RABGAP1: variants seen among roughly 807,000 people sequenced by gnomAD.
The protein encoded by RABGAP1 is RAB GTPase activating protein 1.
A neutral mutation model predicts 137.6 loss-of-function variants in RABGAP1; 23 were observed. The ratio of observed to expected loss-of-function variants is 0.17; its 90% confidence interval spans 0.12 to 0.24. The LOEUF (loss-of-function observed/expected upper bound fraction) is 0.24. Among genes scored for constraint, RABGAP1 ranks in the 10% least tolerant of loss-of-function variants. The pLI is 1.00. For missense variants in RABGAP1, 906 were observed against 1,275.8 expected, an observed-to-expected ratio of 0.71 and a Z score of 4.42; for synonymous variants, 451 against 450.7, an observed-to-expected ratio of 1.00 and a Z score of -0.01.
chr9:122,947,361 G>C (rs981219840), intron 1 of RABGAP1, among the ~76,000 whole-genome samples: 1 of 152,072 alleles, frequency 6.6e-6, no homozygotes, highest in East Asian at 1.9e-4. Context: ...AGTGTTAATG[G>C]GCACAGAGTT....
intron 13 of RABGAP1, among the ~76,000 whole-genome samples, chr9:123,036,816 CTTTT>C (rs35388646): frequency 7.0e-6 from 1 of 142,208 alleles, no homozygotes; most frequent in African/African-American, 2.6e-5. Flanking sequence ...TCTTAATGGT[CTTTT>C]TTTTTTTTCC....
At chr9:122,942,745 A>G (rs1242563713) in intron 1 of RABGAP1, among the ~76,000 whole-genome samples, 2 of 151,536 alleles carry the variant, frequency 1.3e-5, no homozygotes, top group Non-Finnish European at 2.9e-5. Context: ...TGTAGAGTTC[A>G]CTTTGTATTA....
intron 13 of RABGAP1, among the ~76,000 whole-genome samples, chr9:123,044,025 C>T (rs564169853): frequency 1.3e-5 from 2 of 151,740 alleles, no homozygotes; most frequent in Admixed American, 6.5e-5. Context: ...CTCAGCCTCC[C>T]GAGTAGCTGG....
chr9:123,091,768 A>G (rs1164586715), intron 21 of RABGAP1, among the ~76,000 whole-genome samples: 1 of 152,124 alleles, frequency 6.6e-6, no homozygotes, highest in Non-Finnish European at 1.5e-5. Context: ...TTAGCCCTCA[A>G]TGACCAGAAC....
At chr9:122,993,927 G>C (rs981053033) in intron 6 of RABGAP1, among the ~76,000 whole-genome samples, 4 of 152,130 alleles carry the variant, frequency 2.6e-5, no homozygotes, top group Non-Finnish European at 5.9e-5. Flanking sequence ...GCCTCCCATA[G>C]TGCTGGGATT....
At chr9:122,958,028 G>A (rs745813635) in intron 2 of RABGAP1, among the ~76,000 whole-genome samples, 1 of 151,922 alleles carries the variant, frequency 6.6e-6, no homozygotes, top group Non-Finnish European at 1.5e-5. Context: ...ATTTATGAAA[G>A]CACTCCCAGG....
chr9:123,027,312 C>T (rs1202303827), intron 13 of RABGAP1, among the ~76,000 whole-genome samples: 1 of 152,092 alleles, frequency 6.6e-6, no homozygotes, highest in African/African-American at 2.4e-5. Context: ...GATGGGGTTT[C>T]ACCATGTTGG....
At chr9:123,077,158 GT>G (rs962119227) in intron 19 of RABGAP1, among the ~76,000 whole-genome samples, 3 of 92,050 alleles carry the variant, frequency 3.3e-5, no homozygotes, top group African/African-American at 1.1e-4. Flanking sequence ...CTGGTTTTTT[GT>G]TTTTGTTTTT....
At chr9:123,057,898 C>A (rs1207545557) in intron 13 of RABGAP1, among the ~76,000 whole-genome samples, 2 of 152,202 alleles carry the variant, frequency 1.3e-5, no homozygotes, top group Non-Finnish European at 2.9e-5. Context: ...CAAAAAAATA[C>A]GAAAACCAGT....
intron 13 of RABGAP1, among the ~76,000 whole-genome samples, chr9:123,063,493 CAA>C (rs142680531): frequency 0.01 from 1,540 of 152,318 alleles, 5 homozygotes; most frequent in Non-Finnish European, 0.015. Flanking sequence ...AAACTGTTTA[CAA>C]AGTGTTTGTA....
At chr9:122,989,859 ATTTCTT>A in intron 5 of RABGAP1, 191 bp from the exon 6 acceptor site, 1 of 569,240 alleles carries the variant, frequency 1.8e-6, no homozygotes, top group Admixed American at 3.6e-5. Flanking sequence ...GCTTACAACC[ATTTCTT>A]TTTTAAAACC....
At chr9:122,975,305 G>T (rs1334025668) in intron 2 of RABGAP1, among the ~76,000 whole-genome samples, 1 of 152,062 alleles carries the variant, frequency 6.6e-6, no homozygotes, top group Non-Finnish European at 1.5e-5. Flanking sequence ...AATCAAGTGG[G>T]GCCAAGTTGG....
At chr9:122,954,244 C>T (rs1338251602) in intron 1 of RABGAP1, among the ~76,000 whole-genome samples, 3 of 152,080 alleles carry the variant, frequency 2.0e-5, no homozygotes, top group Non-Finnish European at 4.4e-5. Context: ...ATTGTGGAGG[C>T]CAGGGAATGG....
chr9:123,030,622 T>A (rs1274555226), intron 13 of RABGAP1, among the ~76,000 whole-genome samples: 1 of 152,190 alleles, frequency 6.6e-6, no homozygotes, highest in Non-Finnish European at 1.5e-5. Flanking sequence ...TATATACTGA[T>A]CAGATCATGG....
At chr9:122,945,600 ATCT>A (rs1833906346) in intron 1 of RABGAP1, among the ~76,000 whole-genome samples, 1 of 152,208 alleles carries the variant, frequency 6.6e-6, no homozygotes, top group African/African-American at 2.4e-5. Flanking sequence ...TGAGAAATAT[ATCT>A]TCTTAATTGT....
chr9:123,055,668 G>C (rs893319370), intron 13 of RABGAP1, among the ~76,000 whole-genome samples: 1 of 150,504 alleles, frequency 6.6e-6, no homozygotes, highest in Non-Finnish European at 1.5e-5. Context: ...TTCTGCCTCA[G>C]CCTCCTGAGT....
intron 1 of RABGAP1, among the ~76,000 whole-genome samples, chr9:122,952,313 C>T (rs1834296063): frequency 6.6e-6 from 1 of 151,598 alleles, no homozygotes; most frequent in South Asian, 2.1e-4. Flanking sequence ...GGCTGGAGTG[C>T]AGTGGTGCGA....
At chr9:123,062,927 T>A (rs557428323) in intron 13 of RABGAP1, among the ~76,000 whole-genome samples, 2 of 152,284 alleles carry the variant, frequency 1.3e-5, no homozygotes, top group African/African-American at 4.8e-5. Flanking sequence ...TAGCTGGGAT[T>A]ACAGGCACCT....
chr9:123,051,216 GTTTTTTTT>G (rs552457119), intron 13 of RABGAP1, among the ~76,000 whole-genome samples: 1 of 34,276 alleles, frequency 2.9e-5, no homozygotes. Flanking sequence ...ATTCACCTTG[GTTTTTTTT>G]TTTTTTTTTT....
Sources: allele counts gnomAD v4.1 joint callset (sites outside exome capture counted in the v4.1 genomes callset), GRCh38; gene constraint gnomAD v4.1.1; transcripts MANE v1.5; gene names NCBI Gene and HGNC (gene_info 2026-07-23, HGNC 2026-07-21).